Variants in USP37 observed in about 807,000 individuals in gnomAD.
The protein encoded by USP37 is ubiquitin carboxyl-terminal hydrolase 37.
USP37 carries 27 observed loss-of-function variants against 124.0 expected under a neutral mutation model. That is an observed-to-expected ratio of 0.22 (90% CI 0.16 to 0.30). The LOEUF is 0.30. USP37 is among the 10% of genes least tolerant of loss of function. The pLI, the probability that USP37 is intolerant of heterozygous loss-of-function variation, is 1.00. For synonymous variants in USP37, 365 were observed against 388.0 expected (o/e 0.94, Z 0.70); for missense variants, 889 against 1,140.4 (o/e 0.78, Z 3.17).
rs546169227 is a variant in USP37 at position 218,553,529 on chromosome 2, G to A, written c.328+24C>T. ...TAGCCTTGTAAAAATACTAACGTTAGACCCTGGGGTGATTAGTACTCACCT... is the reference window on the plus strand; with the variant it reads ...TAGCCTTGTAAAAATACTAACGTTAAACCCTGGGGTGATTAGTACTCACCT... On this transcript the variant is annotated intron_variant, in intron 5 of 25. Transcript: ENST00000258399. The A allele has an allele frequency of 3.6e-5, 57 of 1,578,196 alleles. 1 individual carries two copies. In the South Asian group the frequency reaches 6.1e-4, roughly 17 times the overall value.
At chr2:218,469,094 T>C (rs1403903458) in intron 20 of USP37, among the ~76,000 whole-genome samples, 1 of 152,252 alleles carries the variant, frequency 6.6e-6, no homozygotes, top group East Asian at 1.9e-4. Flanking sequence ...TGAGTTGTAC[T>C]GAATTGCTGA....
At position 218,495,845 on chromosome 2, in the gene USP37, G is replaced by A; in HGVS notation, c.1387C>T (p.Pro463Ser). The A allele has an allele frequency of 6.2e-7, 1 of 1,613,988 alleles. No homozygotes were observed. Among genetic ancestry groups the A allele is most frequent in the Non-Finnish European group, 8.5e-7 (1 of 1,180,022 alleles). The change falls in exon 14 of 26, where the codon CCA becomes TCA. Residue 463 changes from proline (P) to serine (S), a missense_variant. Pro to Ser is a moderately conservative substitution (Grantham distance 74). This residue lies in a region of USP37 where 504 missense variants were observed against 714.3 expected (regional missense o/e 0.71). Transcript: ENST00000258399. Reference sequence around the variant, plus strand: ...TATGCTCTGGTAGCTGAAATATCTGGTGAATTTTCTTCTCCAGAAACAGGT... The same window carrying A: ...TATGCTCTGGTAGCTGAAATATCTGATGAATTTTCTTCTCCAGAAACAGGT... ...TEPVSGEENS[P>S]DISATRAYTC... is the part of the protein sequence containing the mutation.
intron 1 of USP37, among the ~76,000 whole-genome samples, chr2:218,563,472 T>G (rs188303281): frequency 1.8e-4 from 27 of 152,336 alleles, no homozygotes; most frequent in Admixed American, 5.9e-4. Context: ...AATAATGTCT[T>G]AAGTCTTAAA....
intron 22 of USP37, among the ~76,000 whole-genome samples, chr2:218,462,153 G>A (rs949440442): frequency 4.6e-5 from 7 of 151,620 alleles, no homozygotes; most frequent in Non-Finnish European, 1.0e-4. Flanking sequence ...GTGAAACTCT[G>A]TCTCAAAAAA....
At chr2:218,464,689 G>A (rs529313225) in intron 21 of USP37, among the ~76,000 whole-genome samples, 1 of 152,220 alleles carries the variant, frequency 6.6e-6, no homozygotes, top group Non-Finnish European at 1.5e-5. Context: ...AGACCTGTAA[G>A]TCAGATCCTG....
chr2:218,536,078 A>G (rs1574939377), intron 8 of USP37, among the ~76,000 whole-genome samples: 1 of 151,658 alleles, frequency 6.6e-6, no homozygotes, highest in East Asian at 1.9e-4. Context: ...TGTGTATTCC[A>G]CATGAATAGC....
chr2:218,520,364 CCAGAGA>C (rs1667650844), intron 10 of USP37, among the ~76,000 whole-genome samples: 1 of 47,528 alleles, frequency 2.1e-5, no homozygotes, highest in East Asian at 5.0e-4. Context: ...TTTTTTTTTT[CCAGAGA>C]CAGAGTTTTG....
intron 14 of USP37, among the ~76,000 whole-genome samples, chr2:218,493,071 T>C: frequency 6.6e-6 from 1 of 152,134 alleles, no homozygotes; most frequent in East Asian, 1.9e-4. Context: ...AATTGCCTTA[T>C]ATTAATTAAA....
chr2:218,455,787 C>A, intron 24 of USP37, 69 bp from the exon 25 acceptor site: 1 of 1,524,028 alleles, frequency 6.6e-7, no homozygotes, highest in South Asian at 1.2e-5. Flanking sequence ...ATGGCTCACG[C>A]CTGTAATCTC....
At position 218,463,307 on chromosome 2, in the gene USP37, T is replaced by C; in HGVS notation, c.2526A>G (p.Gln842=). 5.6e-6 allele frequency: 9 copies of C among 1,613,678 alleles called. No individual in the cohort carries two copies. The highest frequency in any genetic ancestry group is 7.6e-6 in the Non-Finnish European group (9 of 1,179,782). ...ATGTAATTAAAAAGATCTCCACACC[T>C]TGAAGACTTAACTCGGTAGCTCTTT... is the stretch of plus-strand genomic sequence containing the variant. ...DLKRATELSL[Q]EFNNSFVDAL... The change falls in exon 22 of 26, where the codon CAA becomes CAG. Residue 842 remains glutamine (Q), a splice_region_variant and synonymous_variant. Transcript: ENST00000258399.
intron 11 of USP37, among the ~76,000 whole-genome samples, chr2:218,501,241 T>C (rs1689367890): frequency 1.3e-5 from 2 of 151,924 alleles, no homozygotes; most frequent in African/African-American, 4.8e-5. Context: ...AATTTTGTCA[T>C]GTTACCAAGG....
chr2:218,463,469 T>C, intron 21 of USP37, 103 bp from the exon 22 acceptor site: 1 of 975,722 alleles, frequency 1.0e-6, no homozygotes, highest in Non-Finnish European at 1.6e-6. Context: ...CTAAGAATGC[T>C]TTCTATAACC....
At chr2:218,562,217 C>T (rs1693349736) in intron 2 of USP37, among the ~76,000 whole-genome samples, 2 of 152,260 alleles carry the variant, frequency 1.3e-5, no homozygotes, top group East Asian at 3.9e-4. Context: ...AACTAAGTTT[C>T]TTTTTCAGCA....
chr2:218,507,741 T>G (rs1689757099), intron 11 of USP37, among the ~76,000 whole-genome samples: 1 of 152,286 alleles, frequency 6.6e-6, no homozygotes, highest in Admixed American at 6.5e-5. Flanking sequence ...CCCTTTCATT[T>G]TGACATGATC....
intron 1 of USP37, among the ~76,000 whole-genome samples, chr2:218,566,466 G>GA (rs1693599902): frequency 1.3e-5 from 2 of 152,212 alleles, no homozygotes; most frequent in Non-Finnish European, 2.9e-5. Context: ...TTTAAGCAAA[G>GA]AAATATGTTA....
chr2:218,544,873 A>C (rs1692235941), intron 8 of USP37, among the ~76,000 whole-genome samples: 1 of 152,206 alleles, frequency 6.6e-6, no homozygotes, highest in African/African-American at 2.4e-5. Flanking sequence ...TGATGTGTGC[A>C]TGAGGTCTGG....
chr2:218,460,190 AGAGATTGCAATGACCT>A (rs1245317159), intron 22 of USP37, among the ~76,000 whole-genome samples: 1 of 151,588 alleles, frequency 6.6e-6, no homozygotes, highest in Non-Finnish European at 1.5e-5. Context: ...CCCAGGAGGC[AGAGATTGCAATGACCT>A]GAGATTGCAC....
At chr2:218,476,507 C>T (rs1395148003) in intron 19 of USP37, among the ~76,000 whole-genome samples, 1 of 151,940 alleles carries the variant, frequency 6.6e-6, no homozygotes, top group Admixed American at 6.6e-5. Flanking sequence ...CCCAGGAGAA[C>T]GATGCTGTGG....
At chr2:218,528,046 C>CA (rs893350183) in intron 10 of USP37, among the ~76,000 whole-genome samples, 6 of 151,958 alleles carry the variant, frequency 3.9e-5, no homozygotes, top group African/African-American at 9.7e-5. Flanking sequence ...ACTAAAAATA[C>CA]AAAAAAAGAG....
Sources: gnomAD v4.1 joint callset for allele counts (sites outside exome capture counted in the v4.1 genomes callset) on GRCh38, gnomAD v4.1.1 for gene constraint, gnomAD v4.1.1 regional missense constraint, MANE v1.5 for transcripts, NCBI Gene and HGNC (gene_info 2026-07-23, HGNC 2026-07-21) for gene names.